Variants in MBNL1 observed in about 807,000 individuals in gnomAD.
MBNL1 encodes muscleblind like splicing regulator 1.
MBNL1 carries 8 observed loss-of-function variants against 42.2 expected under a neutral mutation model. The ratio of observed to expected loss-of-function variants is 0.19; its 90% CI spans 0.11 to 0.34. MBNL1 has a LOEUF of 0.34. Ranked by LOEUF, MBNL1 falls within the 10% of genes least tolerant of loss-of-function variation. MBNL1 has a pLI of 1.00. For synonymous variants in MBNL1, 169 were observed against 173.9 expected (o/e 0.97, Z 0.22); for missense variants, 309 against 495.3 (o/e 0.62, Z 3.57).
intron 2 of MBNL1, among the ~76,000 whole-genome samples, chr3:152,249,686 C>T (rs1471863259): frequency 1.3e-5 from 2 of 150,132 alleles, no homozygotes; most frequent in South Asian, 2.1e-4. Flanking sequence ...GACATGAAGT[C>T]CTTGCCCATG....
Position 152,257,489 on chromosome 3 carries a change from C to G in MBNL1, n.333+13049C>G, listed in dbSNP as rs530158683. ...TTTCCTCCTCTCATTGGTGACCCATCATGTTAGGAAAAAAAAAAAATCTCT... is the reference window on the plus strand; with the variant it reads ...TTTCCTCCTCTCATTGGTGACCCATGATGTTAGGAAAAAAAAAAAATCTCT... On this transcript the variant is annotated intron_variant and non_coding_transcript_variant, in intron 2 of 2. Coordinates refer to the MBNL1 transcript ENST00000477171. Among the ~76,000 whole-genome samples the G allele has an allele frequency of 2.4e-4, 37 of 151,464 alleles. No homozygotes were observed. The South Asian group carries it at 7.1e-3, about 29-fold the overall frequency.
At chr3:152,395,328 T>C (rs971763485) in intron 2 of MBNL1, among the ~76,000 whole-genome samples, 3 of 152,220 alleles carry the variant, frequency 2.0e-5, no homozygotes, top group African/African-American at 7.2e-5. Context: ...TGGCATAATA[T>C]AAATTATTTT....
At chr3:152,268,733 G>A (rs919010958), upstream of MBNL1, 2 of 455,128 alleles carry the variant, frequency 4.4e-6, no homozygotes, top group African/African-American at 4.0e-5. Flanking sequence ...CGGTTGACAG[G>A]CGACCCTGTG....
intron 2 of MBNL1, among the ~76,000 whole-genome samples, chr3:152,410,101 A>G (rs2098530285): frequency 2.6e-5 from 4 of 152,178 alleles, no homozygotes; most frequent in Middle Eastern, 3.4e-3. Flanking sequence ...CTTACTATAT[A>G]TATCACATAT....
intron 2 of MBNL1, among the ~76,000 whole-genome samples, chr3:152,367,791 A>AT (rs2096477187): frequency 6.6e-6 from 1 of 151,852 alleles, no homozygotes; most frequent in African/African-American, 2.4e-5. Context: ...GGTGATGAGC[A>AT]TTTTTTCATG....
chr3:152,274,216 A>G (rs1048738011), intron 1 of MBNL1, among the ~76,000 whole-genome samples: 3 of 110,354 alleles, frequency 2.7e-5, no homozygotes. Flanking sequence ...AGAAGATTCT[A>G]GATTTATGGG....
intron 4 of MBNL1, among the ~76,000 whole-genome samples, chr3:152,441,937 C>T (rs945850305): frequency 3.9e-5 from 6 of 152,076 alleles, no homozygotes; most frequent in South Asian, 2.1e-4. Context: ...GGATTACAGG[C>T]GCCTGCCACC....
intron 2 of MBNL1, among the ~76,000 whole-genome samples, chr3:152,361,491 TA>T (rs2095949434): frequency 6.6e-6 from 1 of 151,088 alleles, no homozygotes; most frequent in Admixed American, 6.6e-5. Context: ...ATGAAAAAGA[TA>T]CAAGATGTTC....
At chr3:152,406,701 C>T (rs1342833087) in intron 2 of MBNL1, among the ~76,000 whole-genome samples, 1 of 151,970 alleles carries the variant, frequency 6.6e-6, no homozygotes, top group Admixed American at 6.6e-5. Flanking sequence ...GTTGATATTG[C>T]GTCAATAGTG....
upstream of MBNL1, chr3:152,268,645 GC>G (rs1559950512): frequency 2.4e-6 from 1 of 412,602 alleles, no homozygotes; most frequent in Admixed American, 2.9e-5. Flanking sequence ...GATCCACGGC[GC>G]CCGCGCGGGC....
At position 152,410,096 on chromosome 3, in the gene MBNL1, T is replaced by C. The variant is rs549782850; in HGVS notation, c.175-4845T>C. On this transcript the variant is annotated intron_variant, in intron 2 of 9. Coordinates refer to ENST00000324210, the MANE Select transcript of MBNL1 (RefSeq NM_021038.5). ...TTCCATTATATAATTTATATCTTAC[T>C]ATATATATCACATATGCAGTTTATA... Among the ~76,000 whole-genome samples, 98 of 152,172 alleles carry C rather than the reference T, an allele frequency of 6.4e-4. 1 individual carries two copies. Among genetic ancestry groups the C allele is most frequent in the African/African-American group, 2.3e-3 (95 of 41,558 alleles).
intron 4 of MBNL1, among the ~76,000 whole-genome samples, chr3:152,435,525 CT>C (rs1300256636): frequency 1.3e-5 from 2 of 152,048 alleles, no homozygotes; most frequent in African/African-American, 4.8e-5. Context: ...TATCCAGGCT[CT>C]TTTTTTATTC....
chr3:152,422,422 C>A (rs937527565), intron 3 of MBNL1, among the ~76,000 whole-genome samples: 6 of 152,118 alleles, frequency 3.9e-5, no homozygotes, highest in African/African-American at 1.4e-4. Context: ...AGATATGCAC[C>A]TAATACAGAA....
At chr3:152,253,180 C>T (rs1228587105) in intron 2 of MBNL1, among the ~76,000 whole-genome samples, 3 of 152,102 alleles carry the variant, frequency 2.0e-5, no homozygotes. Context: ...ACATGTCCCA[C>T]ATAAAACCCC....
intron 2 of MBNL1, among the ~76,000 whole-genome samples, chr3:152,365,292 A>G (rs2096283006): frequency 1.3e-5 from 2 of 151,890 alleles, no homozygotes; most frequent in Admixed American, 6.6e-5. Flanking sequence ...CCCTCTTATC[A>G]CTTGATTATG....
intron 2 of MBNL1, among the ~76,000 whole-genome samples, chr3:152,397,209 TTTA>T (rs904280033): frequency 6.6e-6 from 1 of 152,020 alleles, no homozygotes; most frequent in Admixed American, 6.6e-5. Context: ...TGAGAATATG[TTTA>T]TTATTATTAT....
chr3:152,390,279 A>G (rs1298258798), intron 2 of MBNL1, among the ~76,000 whole-genome samples: 1 of 151,268 alleles, frequency 6.6e-6, no homozygotes, highest in African/African-American at 2.4e-5. Context: ...TTATTTTGTA[A>G]ACCTTTAAAA....
chr3:152,328,946 C>CT (rs1171776229), intron 2 of MBNL1, among the ~76,000 whole-genome samples: 3 of 151,968 alleles, frequency 2.0e-5, no homozygotes, highest in African/African-American at 7.3e-5. Context: ...AAACGGAAGG[C>CT]TAGTACCAAG....
At chr3:152,416,008 G>C (rs1219545755) in intron 3 of MBNL1, among the ~76,000 whole-genome samples, 1 of 152,168 alleles carries the variant, frequency 6.6e-6, no homozygotes, top group Non-Finnish European at 1.5e-5. Flanking sequence ...GAATATATCT[G>C]TCAGTAATTT....
Sources: allele counts gnomAD v4.1 joint callset (sites outside exome capture counted in the v4.1 genomes callset), GRCh38; gene constraint gnomAD v4.1.1; transcripts MANE v1.5; gene names NCBI Gene and HGNC (gene_info 2026-07-23, HGNC 2026-07-21).